Variants in ATE1 observed in about 807,000 individuals in gnomAD.
The protein encoded by ATE1 is arginyl-tRNA--protein transferase 1.
A neutral mutation model predicts 70.5 loss-of-function variants in ATE1; 36 were observed. The observed-to-expected ratio is 0.51, with a 90% confidence interval of 0.39 to 0.67. The LOEUF is 0.67. ATE1 is among the 30% of genes least tolerant of loss of function. ATE1 has a pLI of 0.00. For synonymous variants in ATE1, 232 were observed against 219.3 expected (o/e 1.06, Z -0.51); for missense variants, 593 against 629.5 (o/e 0.94, Z 0.62).
At chr10:121,912,404 C>A (rs951713586) in intron 4 of ATE1, among the ~76,000 whole-genome samples, 4 of 151,652 alleles carry the variant, frequency 2.6e-5, no homozygotes, top group Non-Finnish European at 5.9e-5. Context: ...GTAATCCCAG[C>A]ACTTTGGGAG....
intron 11 of ATE1, among the ~76,000 whole-genome samples, chr10:121,785,599 G>A (rs144268216): frequency 6.6e-6 from 1 of 152,166 alleles, no homozygotes; most frequent in African/African-American, 2.4e-5. Context: ...AGAGTAGAGA[G>A]AGAAGAAAAG....
intron 7 of ATE1, among the ~76,000 whole-genome samples, chr10:121,892,628 T>C (rs1305567366): frequency 1.3e-5 from 2 of 151,578 alleles, no homozygotes; most frequent in African/African-American, 4.8e-5. Flanking sequence ...TGCCTCAGTC[T>C]CCTGAGTAGC....
chr10:121,760,437 T>C (rs927485757), intron 11 of ATE1, among the ~76,000 whole-genome samples: 1 of 152,234 alleles, frequency 6.6e-6, no homozygotes, highest in Non-Finnish European at 1.5e-5. Context: ...TTGGACGAAG[T>C]TGATTCCAAA....
chr10:121,915,226 CAAAT>C (rs1234460063), intron 3 of ATE1, among the ~76,000 whole-genome samples: 2 of 151,874 alleles, frequency 1.3e-5, no homozygotes, highest in Non-Finnish European at 2.9e-5. Flanking sequence ...ATTAAATAAA[CAAAT>C]AAGAGTCTGA....
intron 10 of ATE1, among the ~76,000 whole-genome samples, chr10:121,832,349 G>A (rs1473619533): frequency 6.6e-6 from 1 of 152,170 alleles, no homozygotes; most frequent in Non-Finnish European, 1.5e-5. Flanking sequence ...GACATCCCAT[G>A]GCACAATATA....
intron 7 of ATE1, among the ~76,000 whole-genome samples, chr10:121,894,385 T>A (rs762847552): frequency 6.6e-6 from 1 of 151,904 alleles, no homozygotes; most frequent in African/African-American, 2.4e-5. Context: ...CACAAACAGA[T>A]TGAAGGTAAA....
chr10:121,829,994 G>T lies in ATE1; in HGVS notation c.1257+6724C>A, dbSNP rs561620203. ...CATTTTCTGTGAGTTATTTCTTGCT[G>T]GTCTCTAGTTCTAGACCTTCAATTT... On this transcript the variant is annotated intron_variant, in intron 10 of 11. Transcript: ENST00000224652. Among the ~76,000 whole-genome samples, 85 of 152,218 alleles carry T rather than the reference G, an allele frequency of 5.6e-4. 2 individuals carry two copies. In the South Asian group the frequency reaches 0.018, roughly 32 times the overall value.
chr10:121,894,252 G>A (rs1412279741), intron 7 of ATE1, among the ~76,000 whole-genome samples: 4 of 151,536 alleles, frequency 2.6e-5, no homozygotes, highest in African/African-American at 7.3e-5. Flanking sequence ...AACATTAAAT[G>A]TGAACTGATT....
At chr10:121,885,509 G>A (rs1331026015) in intron 7 of ATE1, among the ~76,000 whole-genome samples, 1 of 142,310 alleles carries the variant, frequency 7.0e-6, no homozygotes, top group African/African-American at 2.6e-5. Context: ...GGTGGAGCTT[G>A]CAGTGAGCCA....
At chr10:121,928,192 G>T (rs1952184361), upstream of ATE1, 3 of 1,315,838 alleles carry the variant, frequency 2.3e-6, no homozygotes, top group South Asian at 3.8e-5. Flanking sequence ...CGTCAGTGAG[G>T]GTGAGGCGGA....
chr10:121,789,660 T>C (rs181993893), intron 11 of ATE1, among the ~76,000 whole-genome samples: 15 of 152,094 alleles, frequency 9.9e-5, no homozygotes, highest in African/African-American at 3.1e-4. Context: ...AGGGGAACAA[T>C]GGGGAACAAA....
chr10:121,923,065 T>G (rs552152565), intron 2 of ATE1, among the ~76,000 whole-genome samples: 2 of 152,334 alleles, frequency 1.3e-5, no homozygotes, highest in South Asian at 4.1e-4. Flanking sequence ...TGAACTCATC[T>G]TCCTGCCTCT....
intron 8 of ATE1, among the ~76,000 whole-genome samples, chr10:121,848,456 A>C (rs552615472): frequency 1.3e-5 from 2 of 151,718 alleles, no homozygotes; most frequent in Non-Finnish European, 2.9e-5. Context: ...GTCTCTACTA[A>C]AAATACAAAA....
chr10:121,771,990 T>C (rs938591316), intron 11 of ATE1, among the ~76,000 whole-genome samples: 9 of 152,256 alleles, frequency 5.9e-5, no homozygotes, highest in African/African-American at 2.2e-4. Context: ...CCCTGTCATT[T>C]GTAAGAACAA....
In ATE1 at chr10:121,902,391, C is replaced by T. The variant is rs756085229; in HGVS notation, c.813G>A (p.Glu271=). ...AAACAACAAAAGTCCTCCAAAGTAC[C>T]TCTAACTTGTGTGATGCATTCTCTG... The part of the protein sequence containing the change: ...SLPENASHKL[E]VRVVRSSPPS... Residue 271 remains glutamate (E), a splice_region_variant and synonymous_variant, in exon 6 of 12, where the codon GAG becomes GAA. Coordinates refer to ENST00000224652, the MANE Select transcript of ATE1 (RefSeq NM_001001976.3). 6.2e-7 allele frequency: 1 copy of T among 1,612,546 alleles called. No individual in the cohort carries two copies. The highest frequency in any genetic ancestry group is 1.7e-5 in the Admixed American group (1 of 59,930).
chr10:121,808,661 CT>C (rs1328810477), intron 10 of ATE1, among the ~76,000 whole-genome samples: 1 of 152,090 alleles, frequency 6.6e-6, no homozygotes, highest in African/African-American at 2.4e-5. Flanking sequence ...CAAAAGCCAC[CT>C]TATTTTAAGT....
At chr10:121,883,262 C>T (rs1205921252) in intron 7 of ATE1, among the ~76,000 whole-genome samples, 1 of 152,048 alleles carries the variant, frequency 6.6e-6, no homozygotes, top group African/African-American at 2.4e-5. Context: ...GACCATTCTC[C>T]CCCAACCACA....
intron 8 of ATE1, among the ~76,000 whole-genome samples, chr10:121,853,430 A>G (rs1320478978): frequency 4.6e-5 from 7 of 151,968 alleles, no homozygotes; most frequent in Non-Finnish European, 8.8e-5. Flanking sequence ...AAAATGCTCC[A>G]TAATCAGAAA....
At chr10:121,884,646 GGAAA>G (rs1950325976) in intron 7 of ATE1, among the ~76,000 whole-genome samples, 1 of 152,120 alleles carries the variant, frequency 6.6e-6, no homozygotes, top group Non-Finnish European at 1.5e-5. Flanking sequence ...AGAAACGGAA[GGAAA>G]GAAAGATGAA....
Sources: allele counts gnomAD v4.1 joint callset (sites outside exome capture counted in the v4.1 genomes callset), GRCh38; gene constraint gnomAD v4.1.1; transcripts MANE v1.5; gene names NCBI Gene and HGNC (gene_info 2026-07-23, HGNC 2026-07-21).